PPP1R16A: variants seen among roughly 807,000 people sequenced by gnomAD.
PPP1R16A encodes protein phosphatase 1 regulatory subunit 16A, also known as myosin phosphatase-targeting subunit 3.
In PPP1R16A, 39 loss-of-function variants were observed where a neutral mutation model predicts 46.6. The ratio of observed to expected loss-of-function variants is 0.84; its 90% confidence interval spans 0.65 to 1.09. PPP1R16A has a LOEUF of 1.09. Ranked by LOEUF, PPP1R16A falls within the 50% of genes least tolerant of loss-of-function variation. PPP1R16A has a pLI of 0.00. For synonymous variants in PPP1R16A, 413 were observed against 321.5 expected (o/e 1.28, Z -3.04); for missense variants, 798 against 735.6 (o/e 1.08, Z -0.98).
chr8:144,483,078 G>A (rs1301666474), intron 1 of PPP1R16A, among the ~76,000 whole-genome samples: 9 of 152,172 alleles, frequency 5.9e-5, no homozygotes, highest in Admixed American at 5.2e-4. Flanking sequence ...CACCGCGCCC[G>A]GCCCAACTTT....
At chr8:144,489,810 C>T (rs1825744536) in intron 1 of PPP1R16A, among the ~76,000 whole-genome samples, 1 of 152,224 alleles carries the variant, frequency 6.6e-6, no homozygotes, top group African/African-American at 2.4e-5. Context: ...CTCCAGCAGC[C>T]ACCAACCTGC....
intron 5 of PPP1R16A, chr8:144,499,811 A>T: frequency 2.4e-6 from 1 of 413,344 alleles, no homozygotes; most frequent in Non-Finnish European, 4.5e-6. Flanking sequence ...GCTCCCCAGC[A>T]GGCAGGCCCA....
intron 5 of PPP1R16A, 110 bp from the exon 6 acceptor site, chr8:144,499,986 C>CCTGAGGGGCAGCCCTGGG: frequency 8.7e-7 from 1 of 1,146,508 alleles, no homozygotes. Context: ...CAGGGTGCCT[C>CCTGAGGGGCAGCCCTGGG]CTGAGGGGCA....
intron 1 of PPP1R16A, among the ~76,000 whole-genome samples, chr8:144,484,541 C>T (rs981558207): frequency 1.3e-5 from 2 of 152,244 alleles, no homozygotes; most frequent in Admixed American, 6.5e-5. Context: ...GCAGATGCCT[C>T]AGGCTGCCAG....
intron 1 of PPP1R16A, among the ~76,000 whole-genome samples, chr8:144,479,553 C>G (rs1825318089): frequency 6.6e-6 from 1 of 152,144 alleles, no homozygotes; most frequent in Non-Finnish European, 1.5e-5. Context: ...GGGGGCTCCT[C>G]CTGTATGACT....
In PPP1R16A at chr8:144,501,652, A is replaced by C. The variant is rs961726379; in HGVS notation, c.1336A>C (p.Thr446Pro). The change falls in exon 12 of 12, where the codon ACC (threonine) becomes CCC (proline). Residue 446 changes from threonine to proline, a missense_variant. Coordinates refer to ENST00000435887, the MANE Select transcript of PPP1R16A (RefSeq NM_001329443.2). ...CCCCCTGGACAGCACCACCCCCCAC[A>C]CCCTGGTCCACGACAAGGCCCACCA... The part of the protein sequence containing the change: ...LSPLDSTTPH[T>P]LVHDKAHHTL... The C allele has an allele frequency of 6.8e-6, 11 of 1,609,408 alleles. No homozygotes were observed. The East Asian group carries it at 2.5e-4, about 36-fold the overall frequency.
intron 3 of PPP1R16A, chr8:144,497,802 T>G: frequency 2.4e-6 from 1 of 410,672 alleles, no homozygotes; most frequent in Non-Finnish European, 4.7e-6. Flanking sequence ...CCGGTAGTCA[T>G]TGCTGCTTCT....
Position 144,478,123 on chromosome 8 carries a change from G to A in PPP1R16A, c.-918G>A. ...ACTTGTGCGGCGGTCGGCGCGGGGCGCGAGGTGAGGCGCGGACTCCCGGGT... is the reference window on the plus strand; with the variant it reads ...ACTTGTGCGGCGGTCGGCGCGGGGCACGAGGTGAGGCGCGGACTCCCGGGT... On this transcript the variant is annotated 5_prime_UTR_variant, in exon 1 of 12. Transcript: ENST00000435887. 1 of 395,452 alleles carries A rather than the reference G, an allele frequency of 2.5e-6. No individual in the cohort carries two copies. The highest frequency in any genetic ancestry group is 4.5e-6 in the Non-Finnish European group (1 of 223,928). The allele number at this position is 395,452 out of a possible 1,614,324, so 24.5% of individuals were successfully genotyped here.
intron 1 of PPP1R16A, among the ~76,000 whole-genome samples, chr8:144,481,006 A>G (rs1276854283): frequency 1.3e-5 from 2 of 151,392 alleles, no homozygotes; most frequent in Non-Finnish European, 2.9e-5. Context: ...CTCCTGCCTC[A>G]GCCTCCCAAG....
In PPP1R16A at chr8:144,501,233, A is replaced by G. The variant is rs1354680885; in HGVS notation, c.1142A>G (p.Glu381Gly). Residue 381 changes from glutamate to glycine, a missense_variant, in exon 11 of 12, where the codon GAG (glutamate) becomes GGG (glycine). By Grantham distance (98) the Glu-to-Gly change is moderately conservative. Coordinates refer to ENST00000435887, the MANE Select transcript of PPP1R16A (RefSeq NM_001329443.2). ...CAACAGCCGCCGCCCACCAGCCCGGAGCCGCCCGAGGACAACGATGACCGC... is the reference window on the plus strand; with the variant it reads ...CAACAGCCGCCGCCCACCAGCCCGGGGCCGCCCGAGGACAACGATGACCGC... The part of the protein sequence containing the change: ...VWQQPPPTSP[E>G]PPEDNDDRQT... 1 of 1,606,298 alleles carries G rather than the reference A, an allele frequency of 6.2e-7. No homozygotes were observed. Among genetic ancestry groups the G allele is most frequent in the South Asian group, 1.1e-5 (1 of 90,834 alleles).
intron 1 of PPP1R16A, among the ~76,000 whole-genome samples, chr8:144,481,772 T>G (rs1217789698): frequency 6.6e-6 from 1 of 152,226 alleles, no homozygotes; most frequent in African/African-American, 2.4e-5. Flanking sequence ...GATTCCCTTT[T>G]TCTTTTTTCT....
chr8:144,479,725 C>G (rs1427371507), intron 1 of PPP1R16A, among the ~76,000 whole-genome samples: 1 of 152,228 alleles, frequency 6.6e-6, no homozygotes, highest in African/African-American at 2.4e-5. Context: ...CCGAGCGTGT[C>G]CTAACCCTAG....
At chr8:144,481,435 G>A (rs1825420911) in intron 1 of PPP1R16A, among the ~76,000 whole-genome samples, 2 of 151,718 alleles carry the variant, frequency 1.3e-5, no homozygotes, top group Non-Finnish European at 2.9e-5. Flanking sequence ...CTGAGGTTGG[G>A]AGTTCGAGAC....
intron 3 of PPP1R16A, chr8:144,498,440 C>T (rs778477002): frequency 1.3e-5 from 5 of 378,224 alleles, no homozygotes; most frequent in Non-Finnish European, 2.5e-5. Context: ...TGGTAGCCTC[C>T]AGGCAGGGAG....
rs1826101892 is a variant in PPP1R16A at position 144,496,997 on chromosome 8, CG to C, written c.-196del. On this transcript the variant is annotated 5_prime_UTR_variant, in exon 3 of 12. Transcript: ENST00000435887. ...CCCTCCCACACTGCCCTCCCTGCCC[CG>C]GCCCATGCCCCCCAGGGCTGCCTGG... is the stretch of plus-strand genomic sequence containing the variant. The C allele has an allele frequency of 4.4e-6, 3 of 688,814 alleles. No individual in the cohort carries two copies. In the South Asian group the frequency reaches 5.6e-5, roughly 13 times the overall value. 42.7% of individuals were successfully genotyped at this position (688,814 alleles called of 1,614,324 possible). A position where few individuals can be genotyped will look rare whatever the true frequency, so the allele number is the denominator to read the frequency against.
Position 144,487,281 on chromosome 8 carries a change from C to G in PPP1R16A, c.-913-2753C>G, listed in dbSNP as rs191059024. ...AGGCGTAAGTCACTGCGCCTGGCCC[C>G]AGCACCATTTATTGAAGGCTTTTCC... is the stretch of plus-strand genomic sequence containing the variant. On this transcript the variant is annotated intron_variant, in intron 1 of 11. Transcript: ENST00000435887. Among the ~76,000 whole-genome samples the G allele has an allele frequency of 4.8e-3, 727 of 152,218 alleles. 2 individuals carry two copies. Among genetic ancestry groups the G allele is most frequent in the South Asian group, 0.017 (83 of 4,820 alleles).
In PPP1R16A at chr8:144,493,537, AG is replaced by A. The variant is rs1303008030; in HGVS notation, c.-734-2923del. On this transcript the variant is annotated intron_variant, in intron 2 of 11. Coordinates refer to ENST00000435887, the MANE Select transcript of PPP1R16A (RefSeq NM_001329443.2). The surrounding 1 kb of genome is among the most constrained non-coding windows in gnomAD (Gnocchi z 4.3). Reference sequence around the variant, plus strand: ...CTTCCACTAGAAGTTCTGCTAGGGCAGCCAAGGTTCAGGTAGGAGGGAGGCA... The same window carrying A: ...CTTCCACTAGAAGTTCTGCTAGGGCACCAAGGTTCAGGTAGGAGGGAGGCA... Among the ~76,000 whole-genome samples the A allele has an allele frequency of 6.6e-5, 10 of 152,176 alleles. No homozygotes were observed. The highest frequency in any genetic ancestry group is 1.3e-4 in the Non-Finnish European group (9 of 68,008).
At chr8:144,500,233 C>T (rs567604388) in intron 6 of PPP1R16A, 34 bp downstream of exon 6, 3 of 1,579,910 alleles carry the variant, frequency 1.9e-6, no homozygotes, top group East Asian at 2.4e-5. Context: ...GGAGGGCTGC[C>T]GGTCGCGCTC....
chr8:144,492,813 C>T lies in PPP1R16A; in HGVS notation c.-735+2601C>T, dbSNP rs528715631. Reference sequence around the variant, plus strand: ...CTCTTCCTTCCCCTGCCCCTTTCCTCTCTTTTCTTTCTTTGAATGGCATGC... The same window carrying T: ...CTCTTCCTTCCCCTGCCCCTTTCCTTTCTTTTCTTTCTTTGAATGGCATGC... On this transcript the variant is annotated intron_variant, in intron 2 of 11. Coordinates refer to ENST00000435887, the MANE Select transcript of PPP1R16A (RefSeq NM_001329443.2). Among the ~76,000 whole-genome samples the T allele has an allele frequency of 1.9e-4, 29 of 152,316 alleles. No homozygotes were observed. The South Asian group carries it at 6.0e-3, about 32-fold the overall frequency.
Sources: gnomAD v4.1 joint callset for allele counts (sites outside exome capture counted in the v4.1 genomes callset) on GRCh38, gnomAD v4.1.1 for gene constraint, Gnocchi (gnomAD v3.1) non-coding constraint, MANE v1.5 for transcripts, NCBI Gene and HGNC (gene_info 2026-07-23, HGNC 2026-07-21) for gene names.